The following CNTNAP4 variants were observed in gnomAD, a reference collection of about 807,000 sequenced individuals.
CNTNAP4 encodes contactin-associated protein-like 4.
Under a neutral mutation model 148.4 loss-of-function variants are expected in CNTNAP4, and 98 were observed. The observed-to-expected ratio is 0.66, with a 90% CI of 0.56 to 0.78. CNTNAP4 has a LOEUF of 0.78. Among genes scored for constraint, CNTNAP4 ranks in the 30% least tolerant of loss-of-function variants. The pLI is 0.00. For synonymous variants in CNTNAP4, 730 were observed against 565.1 expected (o/e 1.29, Z -4.14); for missense variants, 1,935 against 1,565.6 (o/e 1.24, Z -3.98).
rs2081040655 is a variant in CNTNAP4, at chr16:76,463,001, GT to G, written c.1483+899del. Among the ~76,000 whole-genome samples the G allele has an allele frequency of 3.3e-5, 5 of 152,136 alleles. No individual in the cohort carries two copies. In the South Asian group the frequency reaches 1.0e-3, roughly 32 times the overall value. ...CGGTGAGCACACAGTCCATGAATCA[GT>G]TTATAGGATTCTAAAAGCAAAAGAA... On this transcript the variant is annotated intron_variant, in intron 9 of 23. Transcript: ENST00000611870.
At chr16:76,394,279 A>G (rs115792737) in intron 3 of CNTNAP4, among the ~76,000 whole-genome samples, 3,109 of 152,280 alleles carry the variant, frequency 0.02, 97 homozygotes, top group African/African-American at 0.069. Context: ...TTTATTCTGT[A>G]AATCACAGAT....
chr16:76,484,275 G>A (rs201283932), intron 12 of CNTNAP4, among the ~76,000 whole-genome samples: 167 of 71,234 alleles, frequency 2.3e-3, no homozygotes, highest in South Asian at 3.7e-3. Flanking sequence ...GGAGAGAAAT[G>A]AAAAAAAAAA....
chr16:76,342,681 C>G (rs191039639), intron 2 of CNTNAP4, among the ~76,000 whole-genome samples: 1 of 151,824 alleles, frequency 6.6e-6, no homozygotes, highest in African/African-American at 2.4e-5. Flanking sequence ...ACCGTATTAG[C>G]CAGGATGGTC....
chr16:76,456,224 T>A (rs1486317184), intron 8 of CNTNAP4, among the ~76,000 whole-genome samples: 6 of 152,152 alleles, frequency 3.9e-5, no homozygotes, highest in African/African-American at 9.7e-5. Context: ...AAACCAACGG[T>A]TGTCTGAAGA....
At chr16:76,529,722 G>C (rs1489221749) in intron 17 of CNTNAP4, among the ~76,000 whole-genome samples, 1 of 152,140 alleles carries the variant, frequency 6.6e-6, no homozygotes, top group Non-Finnish European at 1.5e-5. Flanking sequence ...CATTTGAATT[G>C]CATGGAATCT....
chr16:76,425,249 A>C (rs1206159597), intron 3 of CNTNAP4, among the ~76,000 whole-genome samples: 1 of 152,168 alleles, frequency 6.6e-6, no homozygotes, highest in Non-Finnish European at 1.5e-5. Context: ...TATATGTTTG[A>C]GATGCGCTAG....
chr16:76,381,843 G>A (rs9932102), intron 3 of CNTNAP4, among the ~76,000 whole-genome samples: 65,585 of 151,840 alleles, frequency 0.43, 14,350 homozygotes, highest in African/African-American at 0.49. Context: ...GATGGATCAC[G>A]AGATCAGGAG....
chr16:76,286,154 G>A (rs1373815356), intron 1 of CNTNAP4, among the ~76,000 whole-genome samples: 2 of 150,388 alleles, frequency 1.3e-5, no homozygotes, highest in Non-Finnish European at 3.0e-5. Context: ...AGGGAAATGA[G>A]TTGCTGAGAT....
At chr16:76,432,990 A>G (rs1187780103) in intron 4 of CNTNAP4, among the ~76,000 whole-genome samples, 1 of 152,082 alleles carries the variant, frequency 6.6e-6, no homozygotes, top group Non-Finnish European at 1.5e-5. Flanking sequence ...TCTCTTACTC[A>G]TTCTTCTTTT....
intron 10 of CNTNAP4, among the ~76,000 whole-genome samples, chr16:76,470,838 C>G (rs1372561341): frequency 6.6e-6 from 1 of 152,052 alleles, no homozygotes; most frequent in African/African-American, 2.4e-5. Context: ...TGGCTATTCA[C>G]ACACACTCTA....
At chr16:76,500,031 A>T (rs1597746231) in intron 15 of CNTNAP4, among the ~76,000 whole-genome samples, 1 of 151,888 alleles carries the variant, frequency 6.6e-6, no homozygotes, top group Non-Finnish European at 1.5e-5. Context: ...ATTCGACAAA[A>T]CCGCCATCGT....
chr16:76,488,242 A>AGATCTGC (rs1380909629), intron 12 of CNTNAP4, among the ~76,000 whole-genome samples: 2 of 152,194 alleles, frequency 1.3e-5, no homozygotes, highest in Non-Finnish European at 2.9e-5. Context: ...GATCCATGCC[A>AGATCTGC]GATCTGCAAC....
intron 21 of CNTNAP4, among the ~76,000 whole-genome samples, chr16:76,544,791 T>G (rs9937657): frequency 0.087 from 13,173 of 152,246 alleles, 883 homozygotes; most frequent in African/African-American, 0.18. Flanking sequence ...TTAGATACGG[T>G]GGTCCATAAT....
intron 3 of CNTNAP4, among the ~76,000 whole-genome samples, chr16:76,385,916 G>T (rs905579611): frequency 6.6e-6 from 1 of 151,894 alleles, no homozygotes; most frequent in East Asian, 1.9e-4. Flanking sequence ...TCAGCTCTAC[G>T]TTTGGGGCCC....
At chr16:76,321,711 C>T (rs1292664566) in intron 2 of CNTNAP4, among the ~76,000 whole-genome samples, 1 of 149,518 alleles carries the variant, frequency 6.7e-6, no homozygotes, top group Admixed American at 6.7e-5. Context: ...ATGGCATGAA[C>T]CCGGGAGGTG....
intron 16 of CNTNAP4, 83 bp from the exon 17 acceptor site, chr16:76,521,956 G>C (rs750910793): frequency 3.5e-5 from 42 of 1,208,596 alleles, no homozygotes; most frequent in Non-Finnish European, 4.3e-5. Context: ...TTGTTACGCT[G>C]TAGTGTGTTC....
intron 1 of CNTNAP4, among the ~76,000 whole-genome samples, chr16:76,285,870 A>C (rs1425403180): frequency 1.3e-5 from 2 of 151,676 alleles, no homozygotes; most frequent in East Asian, 3.9e-4. Flanking sequence ...CAGACATTTG[A>C]TTCCCTTGGC....
intron 21 of CNTNAP4, among the ~76,000 whole-genome samples, chr16:76,549,263 C>T (rs1221579726): frequency 6.6e-6 from 1 of 152,268 alleles, no homozygotes; most frequent in East Asian, 1.9e-4. Context: ...TATTAATGTG[C>T]CCATTTTCTC....
chr16:76,558,585 A>G lies in CNTNAP4; in HGVS notation c.3829A>G (p.Lys1277Glu), dbSNP rs1469616810. 1 of 1,613,134 alleles carries G rather than the reference A, an allele frequency of 6.2e-7. No homozygotes were observed. The highest frequency in any genetic ancestry group is 8.5e-7 in the Non-Finnish European group (1 of 1,179,326). ...QKRLYKRSEA[K>E]RSENVDSAEA... ...AAGGTTATATAAAAGAAGTGAGGCA[A>G]AAAGGTCAGAGAATGTAGACAGTGC... The change falls in exon 24 of 24, where the codon AAA (lysine) becomes GAA (glutamate). Residue 1277 changes from lysine to glutamate, a missense_variant. Physicochemically the swap from Lys to Glu is moderately conservative, Grantham distance 56. Transcript: ENST00000611870.
Sources: gnomAD v4.1 joint callset for allele counts (sites outside exome capture counted in the v4.1 genomes callset) on GRCh38, gnomAD v4.1.1 for gene constraint, MANE v1.5 for transcripts, NCBI Gene and HGNC (gene_info 2026-07-23, HGNC 2026-07-21) for gene names.